The following GPC4 variants were observed in gnomAD, a reference collection of about 807,000 sequenced individuals.
The protein encoded by GPC4 is glypican-4.
In GPC4, 10 loss-of-function variants were observed where a neutral mutation model predicts 35.0. The ratio of observed to expected loss-of-function variants is 0.29; its 90% confidence interval spans 0.18 to 0.48. GPC4 has a LOEUF of 0.48. GPC4 is among the 20% of genes least tolerant of loss of function. The probability of loss-of-function intolerance (pLI) is 0.99; values close to 1 mark genes in which losing one functional copy is unlikely to be tolerated. For synonymous variants in GPC4, 167 were observed against 170.2 expected (o/e 0.98, Z 0.15); for missense variants, 322 against 451.3 (o/e 0.71, Z 2.60).
intron 2 of GPC4, among the ~76,000 whole-genome samples, chrX:133,326,933 A>G (rs1009692087): frequency 3.6e-5 from 4 of 112,549 alleles, no homozygotes; most frequent in African/African-American, 1.3e-4. Flanking sequence ...ATCCTTGCCA[A>G]GTGGTGATTG....
intron 2 of GPC4, among the ~76,000 whole-genome samples, chrX:133,329,914 C>T (rs5977857): frequency 0.43 from 47,075 of 110,497 alleles, 9,317 homozygotes; most frequent in African/African-American, 0.78. Context: ...GAGAAGAACA[C>T]CATGTACTTC....
intron 3 of GPC4, among the ~76,000 whole-genome samples, chrX:133,312,263 C>T (rs546468509): frequency 2.7e-5 from 3 of 110,594 alleles, no homozygotes; most frequent in Non-Finnish European, 5.7e-5. Context: ...TGGGGAATTG[C>T]GGGAAATAAG....
At chrX:133,305,423 C>T (rs2068286445) in intron 6 of GPC4, among the ~76,000 whole-genome samples, 1 of 112,433 alleles carries the variant, frequency 8.9e-6, no homozygotes, top group Admixed American at 9.4e-5. Flanking sequence ...CTACTTCTCC[C>T]TCTTTGCCTC....
chrX:133,396,561 T>G (rs899470229), intron 1 of GPC4, among the ~76,000 whole-genome samples: 1 of 111,995 alleles, frequency 8.9e-6, no homozygotes, highest in Non-Finnish European at 1.9e-5. Flanking sequence ...TTTTTTTAGT[T>G]GTTTTTCCTT....
intron 1 of GPC4, among the ~76,000 whole-genome samples, chrX:133,366,731 C>T (rs2068591594): frequency 9.0e-6 from 1 of 110,565 alleles, no homozygotes; most frequent in African/African-American, 3.3e-5. Context: ...AAAGGAAAAC[C>T]CCAACTTTCC....
rs181437048 is a variant in GPC4, at chrX:133,375,662, G to A, written c.161-36321C>T. Among the ~76,000 whole-genome samples, 523 of 111,943 alleles carry A rather than the reference G, an allele frequency of 4.7e-3. 7 individuals carry two copies. The highest frequency in any genetic ancestry group is 0.018 in the Middle Eastern group (4 of 219). ...TCCAATTCTCATGCTCTGCTCAGAGGAGCCAAGCCTCCTCCTTTCTTTTTC... is the reference window on the plus strand; with the variant it reads ...TCCAATTCTCATGCTCTGCTCAGAGAAGCCAAGCCTCCTCCTTTCTTTTTC... On this transcript the variant is annotated intron_variant, in intron 1 of 8. Transcript: ENST00000370828.
chrX:133,398,836 C>A (rs1362249217), intron 1 of GPC4, among the ~76,000 whole-genome samples: 1 of 110,916 alleles, frequency 9.0e-6, no homozygotes, highest in Non-Finnish European at 1.9e-5. Context: ...AAAAAACAAT[C>A]TTTCTTGAAA....
chrX:133,400,849 TAAG>T (rs953211343), intron 1 of GPC4, among the ~76,000 whole-genome samples: 4 of 92,427 alleles, frequency 4.3e-5, no homozygotes, highest in African/African-American at 1.3e-4. Context: ...TGGTGATAAC[TAAG>T]AAGAAGAAAG....
At chrX:133,311,193 A>AACATTC in intron 4 of GPC4, 65 bp downstream of exon 4, 2 of 1,089,240 alleles carry the variant, frequency 1.8e-6, no homozygotes, top group Non-Finnish European at 2.5e-6. Flanking sequence ...TGCCAATTAC[A>AACATTC]ACATTCCTTG....
intron 1 of GPC4, among the ~76,000 whole-genome samples, chrX:133,387,900 C>G (rs2068699720): frequency 8.9e-6 from 1 of 111,798 alleles, no homozygotes; most frequent in South Asian, 3.8e-4. Flanking sequence ...ATCCATCCAG[C>G]TCAGAGTAAA....
chrX:133,384,662 G>A lies in GPC4; in HGVS notation c.160+30144C>T, dbSNP rs768612350. Among the ~76,000 whole-genome samples the A allele has an allele frequency of 9.0e-5, 10 of 111,408 alleles. No individual in the cohort carries two copies. The Middle Eastern group carries it at 0.014, about 155-fold the overall frequency. On this transcript the variant is annotated intron_variant, in intron 1 of 8. Coordinates refer to ENST00000370828, the MANE Select transcript of GPC4 (RefSeq NM_001448.3). ...GGAACCATGAAAGGTCCCAGGTCGGGCATCATTTCCCAAGGGTGTCATCAA... is the reference window on the plus strand; with the variant it reads ...GGAACCATGAAAGGTCCCAGGTCGGACATCATTTCCCAAGGGTGTCATCAA...
At chrX:133,398,425 G>C (rs1387736548) in intron 1 of GPC4, among the ~76,000 whole-genome samples, 1 of 111,752 alleles carries the variant, frequency 8.9e-6, no homozygotes, top group Non-Finnish European at 1.9e-5. Context: ...ACATACCCCA[G>C]CCTCAGGGTT....
chrX:133,414,466 G>A (rs2068828727), intron 1 of GPC4: 3 of 751,322 alleles, frequency 4.0e-6, no homozygotes, highest in Non-Finnish European at 4.7e-6. Flanking sequence ...CACGCACTTT[G>A]AGGGCCACAG....
At chrX:133,303,382 G>A (rs762870844) in intron 7 of GPC4, 41 bp from the exon 8 acceptor site, 21 of 1,118,092 alleles carry the variant, frequency 1.9e-5, no homozygotes, top group South Asian at 1.2e-4. Flanking sequence ...TTCGTAAAGC[G>A]AAAAGATTTT....
At chrX:133,368,942 G>A (rs1371962817) in intron 1 of GPC4, among the ~76,000 whole-genome samples, 4 of 111,174 alleles carry the variant, frequency 3.6e-5, no homozygotes, top group African/African-American at 6.5e-5. Flanking sequence ...CACCACGCCC[G>A]ACCGAGTAAC....
chrX:133,376,476 CT>C (rs1334130399), intron 1 of GPC4, among the ~76,000 whole-genome samples: 1 of 112,588 alleles, frequency 8.9e-6, no homozygotes, highest in Middle Eastern at 4.2e-3. Context: ...GCATTCCTAC[CT>C]CCATGATGGA....
At chrX:133,341,905 C>T (rs2068468696) in intron 1 of GPC4, among the ~76,000 whole-genome samples, 1 of 109,583 alleles carries the variant, frequency 9.1e-6, no homozygotes, top group South Asian at 4.0e-4. Context: ...ATTTACACTG[C>T]CACACATAAA....
intron 1 of GPC4, among the ~76,000 whole-genome samples, chrX:133,351,792 C>A (rs1228652174): frequency 1.8e-5 from 2 of 112,236 alleles, no homozygotes; most frequent in African/African-American, 6.5e-5. Context: ...AAGAGATTAT[C>A]TGGGAATGGA....
In GPC4 at chrX:133,339,297, G is replaced by C. The variant is rs376026510; in HGVS notation, c.205C>G (p.Gln69Glu). The C allele has an allele frequency of 2.0e-4, 240 of 1,208,995 alleles. 3 individuals are homozygous for C. In the Middle Eastern group the frequency reaches 9.8e-3, roughly 50 times the overall value. The part of the protein sequence containing the change: ...ICPQGSTCCS[Q>E]EMEEKYSLQS... Reference sequence around the variant, plus strand: ...AGGCTGTACTTCTCCTCCATCTCTTGAGAGCAGCAGGTAGAACCCTGGGGA... The same window carrying C: ...AGGCTGTACTTCTCCTCCATCTCTTCAGAGCAGCAGGTAGAACCCTGGGGA... Residue 69 changes from glutamine (Q) to glutamate (E), a missense_variant, in exon 2 of 9, where the codon CAA (glutamine) becomes GAA (glutamate). Around this residue, in one of 3 missense-constraint regions of GPC4, gnomAD observed 60 missense variants for 64.1 expected, o/e 0.94. Transcript: ENST00000370828.
Sources: gnomAD v4.1 joint callset for allele counts (sites outside exome capture counted in the v4.1 genomes callset) on GRCh38, gnomAD v4.1.1 for gene constraint, gnomAD v4.1.1 regional missense constraint, MANE v1.5 for transcripts, NCBI Gene and HGNC (gene_info 2026-07-23, HGNC 2026-07-21) for gene names.